Variants in GPHN observed in about 807,000 individuals in gnomAD.
The protein encoded by GPHN is gephyrin.
A neutral mutation model predicts 95.5 loss-of-function variants in GPHN; 17 were observed. The ratio of observed to expected loss-of-function variants is 0.18; its 90% CI spans 0.12 to 0.27. The LOEUF is 0.27. Ranked by LOEUF, GPHN falls within the 10% of genes least tolerant of loss-of-function variation. The probability of loss-of-function intolerance (pLI) is 1.00; values close to 1 mark genes in which losing one functional copy is unlikely to be tolerated. For missense variants in GPHN, 660 were observed against 978.1 expected, an observed-to-expected ratio of 0.67 and a Z score of 4.34; for synonymous variants, 320 against 322.5, an observed-to-expected ratio of 0.99 and a Z score of 0.08.
chr14:67,562,663 T>C, the GPHN span: 1 of 1,612,654 alleles, frequency 6.2e-7, no homozygotes, highest in South Asian at 1.1e-5. Context: ...ACTTTGGCCG[T>C]GTGGTGAACA....
chr14:66,659,550 C>G (rs1490130507), intron 1 of GPHN, among the ~76,000 whole-genome samples: 1 of 151,846 alleles, frequency 6.6e-6, no homozygotes, highest in East Asian at 1.9e-4. Flanking sequence ...TATGTCTTTT[C>G]TTTCATTTTT....
the GPHN span, among the ~76,000 whole-genome samples, chr14:67,286,350 C>T: frequency 0.032 from 4,799 of 152,210 alleles, 90 homozygotes; most frequent in Non-Finnish European, 0.036. Context: ...GGAATTTCTT[C>T]TCTCTGTCCT....
chr14:67,187,238 T>C, the GPHN span, among the ~76,000 whole-genome samples: 8 of 152,212 alleles, frequency 5.3e-5, no homozygotes, highest in South Asian at 2.1e-4. Context: ...TACTAAACAG[T>C]TGAATACAAG....
chr14:67,379,812 G>A, the GPHN span, among the ~76,000 whole-genome samples: 1 of 150,030 alleles, frequency 6.7e-6, no homozygotes, highest in African/African-American at 2.5e-5. Context: ...CCGCCACTAC[G>A]CCCGGCTAAT....
chr14:66,707,786 A>T (rs1182959437), intron 2 of GPHN, among the ~76,000 whole-genome samples: 2 of 151,634 alleles, frequency 1.3e-5, no homozygotes, highest in African/African-American at 4.9e-5. Flanking sequence ...AGAACTTAAA[A>T]TAATGTAATT....
At chr14:67,549,569 C>A in the GPHN span, among the ~76,000 whole-genome samples, 2 of 152,194 alleles carry the variant, frequency 1.3e-5, no homozygotes, top group Non-Finnish European at 2.9e-5. Flanking sequence ...CTGCTCCCGG[C>A]CTTAAATTGC....
the GPHN span, chr14:67,562,983 G>C: frequency 2.2e-6 from 3 of 1,339,992 alleles, no homozygotes; most frequent in African/African-American, 1.5e-5. Flanking sequence ...GAGCAGGAGA[G>C]GAGGCTGCTG....
the GPHN span, among the ~76,000 whole-genome samples, chr14:67,553,094 T>C: frequency 0.2 from 29,700 of 152,180 alleles, 3,328 homozygotes; most frequent in East Asian, 0.28. Flanking sequence ...TCCACCTTGG[T>C]CTCCATTTGC....
the GPHN span, among the ~76,000 whole-genome samples, chr14:67,406,589 T>C: frequency 6.6e-6 from 1 of 151,538 alleles, no homozygotes; most frequent in East Asian, 1.9e-4. Flanking sequence ...TCAAGGGGAG[T>C]CCTTGGAGGA....
chr14:66,940,753 AC>A (rs1202399283), intron 8 of GPHN, among the ~76,000 whole-genome samples: 2 of 152,006 alleles, frequency 1.3e-5, no homozygotes, highest in Non-Finnish European at 2.9e-5. Flanking sequence ...TAGGGCGTTG[AC>A]CCATAGCTTG....
At chr14:67,346,317 T>G in the GPHN span, among the ~76,000 whole-genome samples, 7 of 152,236 alleles carry the variant, frequency 4.6e-5, no homozygotes, top group Non-Finnish European at 1.5e-5. Flanking sequence ...TATTATTTGT[T>G]TATTTATTTA....
chr14:67,470,317 G>A, the GPHN span: 1 of 152,314 alleles, frequency 6.6e-6, no homozygotes. Flanking sequence ...TGAAAAGGAA[G>A]AGACAGAGGG....
the GPHN span, chr14:67,382,348 T>C: frequency 1.1e-5 from 12 of 1,128,914 alleles, no homozygotes; most frequent in African/African-American, 8.0e-5. Context: ...CGTTTTGGGG[T>C]GATTTGTTAA....
intron 5 of GPHN, among the ~76,000 whole-genome samples, chr14:66,913,430 C>T (rs2065766541): frequency 1.3e-5 from 2 of 152,168 alleles, no homozygotes; most frequent in African/African-American, 4.8e-5. Context: ...CAACCTCCGC[C>T]TCCCAGATTC....
At chr14:67,575,024 T>C in the GPHN span, among the ~76,000 whole-genome samples, 1 of 152,222 alleles carries the variant, frequency 6.6e-6, no homozygotes, top group Non-Finnish European at 1.5e-5. Flanking sequence ...TCCTTCATGA[T>C]GCATGGTTGC....
intron 3 of GPHN, 28 bp from the exon 4 acceptor site, chr14:66,824,446 A>C: frequency 8.1e-7 from 1 of 1,229,552 alleles, no homozygotes; most frequent in Non-Finnish European, 1.2e-6. Context: ...ATTTTTCTGC[A>C]CATGACTATA....
intron 1 of GPHN, among the ~76,000 whole-genome samples, chr14:66,680,591 CCTT>C (rs1322510004): frequency 5.3e-5 from 8 of 152,106 alleles, no homozygotes; most frequent in Admixed American, 1.3e-4. Context: ...TTAGTAGTGT[CCTT>C]CTTTCTTAGC....
the GPHN span, among the ~76,000 whole-genome samples, chr14:67,325,283 T>C: frequency 2.6e-5 from 4 of 152,180 alleles, no homozygotes; most frequent in Non-Finnish European, 5.9e-5. Context: ...CTTTTTTCAC[T>C]CTATGTCTAC....
chr14:66,824,521 A>G lies in GPHN; in HGVS notation c.249A>G (p.Leu83=), dbSNP rs1234953300. ...WCDEKELNLI[L]TTGGTGFAPR... ...ATGAAAAGGAACTTAATTTGATATT[A>G]ACAACTGGAGGAACAGGATTTGCAC... The change falls in exon 4 of 23, where the codon TTA becomes TTG. Residue 83 remains leucine, a synonymous_variant. Transcript: ENST00000478722. 6.3e-7 allele frequency: 1 copy of G among 1,596,146 alleles called. No individual in the cohort carries two copies. The highest frequency in any genetic ancestry group is 1.1e-5 in the South Asian group (1 of 90,666).
Sources: allele counts gnomAD v4.1 joint callset (sites outside exome capture counted in the v4.1 genomes callset), GRCh38; gene constraint gnomAD v4.1.1; transcripts MANE v1.5; gene names NCBI Gene and HGNC (gene_info 2026-07-23, HGNC 2026-07-21).